Variants in DPYD observed in about 807,000 individuals in gnomAD.
DPYD encodes the protein dihydropyrimidine dehydrogenase.
A neutral mutation model predicts 116.2 loss-of-function variants in DPYD; 109 were observed. The observed-to-expected ratio is 0.94, with a 90% confidence interval of 0.80 to 1.10. The LOEUF (loss-of-function observed/expected upper bound fraction) is 1.10. Ranked by LOEUF, DPYD falls within the 50% of genes least tolerant of loss-of-function variation. The pLI is 0.00. For synonymous variants in DPYD, 440 were observed against 432.0 expected (o/e 1.02, Z -0.23); for missense variants, 1,302 against 1,254.5 (o/e 1.04, Z -0.57).
At chr1:97,081,131 A>G (rs1649120139) in intron 22 of DPYD, among the ~76,000 whole-genome samples, 1 of 72,674 alleles carries the variant, frequency 1.4e-5, no homozygotes, top group Non-Finnish European at 2.8e-5. Flanking sequence ...CTAGGAAGAA[A>G]AATTAATAGT....
At chr1:97,820,577 C>T (rs1668870827) in intron 3 of DPYD, among the ~76,000 whole-genome samples, 1 of 152,170 alleles carries the variant, frequency 6.6e-6, no homozygotes, top group Non-Finnish European at 1.5e-5. Context: ...TTATGATGCA[C>T]CTACAAATAG....
chr1:97,380,538 TAGC>T, intron 15 of DPYD, among the ~76,000 whole-genome samples: 2 of 152,350 alleles, frequency 1.3e-5, no homozygotes, highest in East Asian at 3.9e-4. Context: ...AAAAAGCTGA[TAGC>T]AGGTTTCCTC....
chr1:97,078,107 T>G lies in DPYD; in HGVS notation c.*869A>C, dbSNP rs1160914434. ...ATTATCAACATTATATTTTTCATTC[T>G]TGAATAATGAAGCATTGCATACTTT... On this transcript the variant is annotated 3_prime_UTR_variant, in exon 23 of 23. Coordinates refer to ENST00000370192, the MANE Select transcript of DPYD (RefSeq NM_000110.4). 3 of 152,198 alleles carry G rather than the reference T, an allele frequency of 2.0e-5. No homozygotes were observed. The highest frequency in any genetic ancestry group is 2.9e-5 in the Non-Finnish European group (2 of 68,024). The allele number at this position is 152,198 out of a possible 1,614,324, so 9.4% of individuals were successfully genotyped here. A position where few individuals can be genotyped will look rare whatever the true frequency, so the allele number is the denominator to read the frequency against.
At chr1:97,098,707 A>G in intron 20 of DPYD, 75 bp from the exon 21 acceptor site, 1 of 1,518,880 alleles carries the variant, frequency 6.6e-7, no homozygotes. Context: ...AAACATATAA[A>G]TATTATCAAC....
rs539419545 is a variant in DPYD, at chr1:97,819,766, A to G, written c.233+8348T>C. Among the ~76,000 whole-genome samples the G allele has an allele frequency of 1.3e-3, 200 of 152,152 alleles. 1 individual carries two copies. The highest frequency in any genetic ancestry group is 4.6e-3 in the African/African-American group (191 of 41,560). On this transcript the variant is annotated intron_variant, in intron 3 of 22. Transcript: ENST00000370192. ...AACTATTTTAAAAGAATTCCATAAA[A>G]TTTCCTTAAATCTTTGTAATCCTAA...
intron 2 of DPYD, among the ~76,000 whole-genome samples, chr1:97,850,808 TTATAAC>T (rs1670533888): frequency 6.6e-6 from 1 of 152,104 alleles, no homozygotes; most frequent in African/African-American, 2.4e-5. Flanking sequence ...ACTTCATTGC[TTATAAC>T]TATAACTCCA....
intron 3 of DPYD, among the ~76,000 whole-genome samples, chr1:97,814,675 T>C (rs1668491130): frequency 1.3e-5 from 2 of 151,744 alleles, no homozygotes. Context: ...ATTGGTTCAG[T>C]GGAGGGTTGT....
At chr1:97,354,776 G>A (rs1253073490) in intron 16 of DPYD, among the ~76,000 whole-genome samples, 3 of 152,166 alleles carry the variant, frequency 2.0e-5, no homozygotes, top group African/African-American at 7.2e-5. Flanking sequence ...TTGTGTCAAA[G>A]GTGAATTCAT....
At chr1:97,453,704 G>T (rs570429365) in intron 13 of DPYD, among the ~76,000 whole-genome samples, 2 of 152,060 alleles carry the variant, frequency 1.3e-5, no homozygotes, top group South Asian at 2.1e-4. Flanking sequence ...CTACCTTTAA[G>T]AATTTTTTCT....
At chr1:97,517,302 T>C (rs1339332099) in intron 12 of DPYD, among the ~76,000 whole-genome samples, 1 of 152,026 alleles carries the variant, frequency 6.6e-6, no homozygotes, top group African/African-American at 2.4e-5. Flanking sequence ...ACAGGATTGC[T>C]ATACTATTAA....
chr1:97,156,173 TA>T (rs776527119), intron 20 of DPYD, among the ~76,000 whole-genome samples: 138 of 152,320 alleles, frequency 9.1e-4, no homozygotes, highest in African/African-American at 2.8e-3. Context: ...TTGAAATGAA[TA>T]AATTTTTTTT....
intron 12 of DPYD, among the ~76,000 whole-genome samples, chr1:97,536,412 T>A (rs1650002905): frequency 6.6e-6 from 1 of 152,202 alleles, no homozygotes; most frequent in African/African-American, 2.4e-5. Context: ...TGAAGGACAC[T>A]TTTTCAGTAA....
At position 97,540,643 on chromosome 1, in the gene DPYD, G is replaced by T. The variant is rs1426328511; in HGVS notation, c.1524+8917C>A. ...AACCTAGTCCATTTGAGTTTTTATG[G>T]AAAGTTCATTACATAGGCATGATTG... On this transcript the variant is annotated intron_variant, in intron 12 of 22. Coordinates refer to ENST00000370192, the MANE Select transcript of DPYD (RefSeq NM_000110.4). Among the ~76,000 whole-genome samples, 3 of 152,112 alleles carry T rather than the reference G, an allele frequency of 2.0e-5. No homozygotes were observed. In the East Asian group the frequency reaches 5.8e-4, roughly 29 times the overall value.
chr1:97,231,301 C>T (rs1221873666), intron 19 of DPYD, among the ~76,000 whole-genome samples: 5 of 152,142 alleles, frequency 3.3e-5, no homozygotes, highest in Non-Finnish European at 1.5e-5. Flanking sequence ...TGCTTTGTGG[C>T]TGTGAAACTC....
intron 11 of DPYD, among the ~76,000 whole-genome samples, chr1:97,550,170 T>A (rs1413103630): frequency 6.6e-6 from 1 of 152,190 alleles, no homozygotes; most frequent in East Asian, 1.9e-4. Context: ...ACATCATGAA[T>A]TCAGGTCAAT....
intron 15 of DPYD, among the ~76,000 whole-genome samples, chr1:97,377,910 G>A (rs949734276): frequency 4.6e-5 from 7 of 152,320 alleles, no homozygotes; most frequent in African/African-American, 1.4e-4. Context: ...AAGGGAAGAC[G>A]TCCGTGGGTG....
chr1:97,303,350 G>A (rs2101029091), intron 18 of DPYD, among the ~76,000 whole-genome samples: 1 of 152,082 alleles, frequency 6.6e-6, no homozygotes, highest in Non-Finnish European at 1.5e-5. Flanking sequence ...TTAGCACTGT[G>A]CTATGGTAAA....
intron 20 of DPYD, among the ~76,000 whole-genome samples, chr1:97,131,934 T>C (rs1296738278): frequency 6.6e-6 from 1 of 152,168 alleles, no homozygotes; most frequent in East Asian, 1.9e-4. Context: ...TTAAATGATT[T>C]TGAAATGAAG....
At chr1:97,436,201 T>A (rs984197098) in intron 14 of DPYD, among the ~76,000 whole-genome samples, 1 of 151,982 alleles carries the variant, frequency 6.6e-6, no homozygotes, top group Non-Finnish European at 1.5e-5. Flanking sequence ...CTGATTGTTA[T>A]GAAATAGTAC....
Sources: allele counts gnomAD v4.1 joint callset (sites outside exome capture counted in the v4.1 genomes callset), GRCh38; gene constraint gnomAD v4.1.1; transcripts MANE v1.5; gene names NCBI Gene and HGNC (gene_info 2026-07-23, HGNC 2026-07-21).